Variants in INTS3 observed in about 807,000 individuals in gnomAD.
INTS3 encodes SOSS complex subunit A.
INTS3 carries 34 observed loss-of-function variants against 146.3 expected under a neutral mutation model. The observed-to-expected ratio is 0.23, with a 90% CI of 0.18 to 0.31. The LOEUF (loss-of-function observed/expected upper bound fraction) is 0.31. INTS3 is among the 10% of genes least tolerant of loss of function. The pLI is 1.00. For missense variants in INTS3, 757 were observed against 1,304.2 expected, an observed-to-expected ratio of 0.58 and a Z score of 6.46; for synonymous variants, 475 against 494.9, an observed-to-expected ratio of 0.96 and a Z score of 0.53.
At position 153,748,674 on chromosome 1, in the gene INTS3, C is replaced by G. The variant is rs1468475243; in HGVS notation, c.518-15C>G. 1.2e-6 allele frequency: 2 copies of G among 1,610,294 alleles called. No homozygotes were observed. Among genetic ancestry groups the G allele is most frequent in the Non-Finnish European group, 8.5e-7 (1 of 1,176,736 alleles). On this transcript the variant is annotated splice_polypyrimidine_tract_variant and intron_variant, in intron 5 of 29. Coordinates refer to ENST00000318967, the MANE Select transcript of INTS3 (RefSeq NM_023015.5). ...GCTAATCGGAGCTATTCTTTTTTTCCCCTTTTGAAATCAGGTGGAGATGTT... is the reference window on the plus strand; with the variant it reads ...GCTAATCGGAGCTATTCTTTTTTTCGCCTTTTGAAATCAGGTGGAGATGTT...
chr1:153,770,742 C>T lies in INTS3; in HGVS notation c.2552+9C>T, dbSNP rs1236333639. On this transcript the variant is annotated intron_variant, in intron 25 of 29. Transcript: ENST00000318967. ...CAACTCCGAAGAGAAAAGTGAGTTC[C>T]ACTTCTGGGGCTCTTTAGCCCTCAA... The T allele has an allele frequency of 6.2e-7, 1 of 1,610,808 alleles. No individual in the cohort carries two copies. The highest frequency in any genetic ancestry group is 8.5e-7 in the Non-Finnish European group (1 of 1,177,070).
intron 22 of INTS3, 112 bp downstream of exon 22, chr1:153,769,073 C>G (rs1349583957): frequency 1.3e-4 from 111 of 839,662 alleles, no homozygotes; most frequent in Non-Finnish European, 6.1e-5. Flanking sequence ...TCCCAGGCAC[C>G]CTCCCTCCTG....
Position 153,742,664 on chromosome 1 carries a change from G to C in INTS3, c.318+1296G>C, listed in dbSNP as rs572077557. Among the ~76,000 whole-genome samples, 108 of 152,274 alleles carry C rather than the reference G, an allele frequency of 7.1e-4. 1 individual carries two copies. Among genetic ancestry groups the C allele is most frequent in the African/African-American group, 2.5e-3 (102 of 41,566 alleles). ...GGTAAATCAGTAAACCTAAGTGAAGGGGGCAGAGTATGTGTGGTATTTCTA... is the reference window on the plus strand; with the variant it reads ...GGTAAATCAGTAAACCTAAGTGAAGCGGGCAGAGTATGTGTGGTATTTCTA... On this transcript the variant is annotated intron_variant, in intron 3 of 29. Transcript: ENST00000318967.
chr1:153,771,376 T>TA (rs1278465853), intron 25 of INTS3, among the ~76,000 whole-genome samples: 2 of 152,186 alleles, frequency 1.3e-5, no homozygotes. Context: ...TTGGAGGCTG[T>TA]ATGGGGCTGT....
intron 14 of INTS3, among the ~76,000 whole-genome samples, chr1:153,762,462 T>C (rs1365351631): frequency 2.0e-5 from 3 of 152,186 alleles, no homozygotes. Flanking sequence ...TCCCTGATCT[T>C]ACTCTAGTTA....
At chr1:153,764,766 A>C (rs761821739) in intron 19 of INTS3, 32 bp downstream of exon 19, 28 of 1,578,406 alleles carry the variant, frequency 1.8e-5, no homozygotes, top group Middle Eastern at 3.3e-4. Flanking sequence ...ATACTGTTCT[A>C]CCCTCCATCC....
At chr1:153,765,091 G>C in intron 20 of INTS3, 28 bp downstream of exon 20, 1 of 1,613,398 alleles carries the variant, frequency 6.2e-7, no homozygotes, top group Non-Finnish European at 8.5e-7. Context: ...GTTTCAAATG[G>C]TGTCAGGACA....
chr1:153,760,248 AAAAAAAAAAAG>A (rs1458899427), intron 11 of INTS3, 52 bp from the exon 12 acceptor site: 3 of 993,336 alleles, frequency 3.0e-6, no homozygotes, highest in African/African-American at 1.7e-5. Context: ...AAAAAAAAAA[AAAAAAAAAAAG>A]AGAGAGAGAG....
chr1:153,761,545 G>C, intron 13 of INTS3, 25 bp from the exon 14 acceptor site: 1 of 1,477,442 alleles, frequency 6.8e-7, no homozygotes. Context: ...CTCTGATATT[G>C]ACCTTCATCA....
chr1:153,773,551 T>C lies in INTS3; in HGVS notation c.*281T>C. The C allele has an allele frequency of 5.4e-6, 3 of 552,746 alleles. No individual in the cohort carries two copies. The South Asian group carries it at 7.7e-5, about 14-fold the overall frequency. The allele number at this position is 552,746 out of a possible 1,614,324, so 34.2% of individuals were successfully genotyped here. On this transcript the variant is annotated 3_prime_UTR_variant, in exon 30 of 30. Coordinates refer to ENST00000318967, the MANE Select transcript of INTS3 (RefSeq NM_023015.5). ...GAGGCTCTGTAAAATCAGACCATAG[T>C]GGAAGTCCTCAGCCCCCTGGCCCCT...
chr1:153,754,184 G>T (rs540315199), intron 8 of INTS3, among the ~76,000 whole-genome samples: 1 of 152,290 alleles, frequency 6.6e-6, no homozygotes, highest in South Asian at 2.1e-4. Flanking sequence ...TCTCACGCAT[G>T]AGTGTGAAAA....
rs1353207777 is a variant in INTS3, at chr1:153,763,262, A to G, written c.1666A>G (p.Ile556Val). ...GAAGAGGGAGTTTCGCTTCCACCCT[A>G]TCAAGGAGACAGTTGTGGAGGAGCC... ...GKKREFRFHP[I>V]KETVVEEPVD... Residue 556 changes from isoleucine (I) to valine (V), a missense_variant, in exon 16 of 30, where the codon ATC becomes GTC. Transcript: ENST00000318967. 6.2e-7 allele frequency: 1 copy of G among 1,614,062 alleles called. No homozygotes were observed. The highest frequency in any genetic ancestry group is 2.2e-5 in the East Asian group (1 of 44,894).
chr1:153,770,127 TGGGGG>T, intron 23 of INTS3, 66 bp from the exon 24 acceptor site: 1 of 299,142 alleles, frequency 3.3e-6, no homozygotes. Flanking sequence ...GATGGGGGGG[TGGGGG>T]GGGTGTGTGT....
At position 153,770,722 on chromosome 1, in the gene INTS3, C is replaced by T. The variant is rs772017667; in HGVS notation, c.2541C>T (p.Leu847=). ...CCCTGTCCTGCCTACTGCTTCAACT[C>T]CGAAGAGAAAAGTGAGTTCCACTTC... The part of the protein sequence containing the change: ...PEALSCLLLQ[L]RREKPSEEMV... The change falls in exon 25 of 30, where the codon CTC becomes CTT. Residue 847 remains leucine (L), a synonymous_variant. Transcript: ENST00000318967. 6 of 1,613,626 alleles carry T rather than the reference C, an allele frequency of 3.7e-6. No individual in the cohort carries two copies. The highest frequency in any genetic ancestry group is 5.1e-6 in the Non-Finnish European group (6 of 1,179,532).
intron 13 of INTS3, chr1:153,761,202 C>A: frequency 1.6e-6 from 1 of 644,966 alleles, no homozygotes. Flanking sequence ...ATCTCAACTC[C>A]ATGTTGAGTT....
At chr1:153,761,134 T>C in intron 13 of INTS3, 1 of 1,285,288 alleles carries the variant, frequency 7.8e-7, no homozygotes, top group Non-Finnish European at 1.0e-6. Context: ...TCATGTTCCC[T>C]GTTGACCCCC....
chr1:153,759,645 C>A (rs377436226), intron 11 of INTS3, 32 bp downstream of exon 11: 1 of 1,402,212 alleles, frequency 7.1e-7, no homozygotes, highest in South Asian at 1.2e-5. Flanking sequence ...GCTCCACTTC[C>A]CCATCCCCCT....
intron 1 of INTS3, among the ~76,000 whole-genome samples, chr1:153,732,760 T>G (rs1671125689): frequency 6.6e-6 from 1 of 151,660 alleles, no homozygotes; most frequent in South Asian, 2.1e-4. Flanking sequence ...CCTTGGGGAT[T>G]TTATGAGTTA....
At chr1:153,770,503 G>C (rs1331835214) in intron 24 of INTS3, among the ~76,000 whole-genome samples, 182 bp from the exon 25 acceptor site, 1 of 152,206 alleles carries the variant, frequency 6.6e-6, no homozygotes, top group African/African-American at 2.4e-5. Flanking sequence ...CCATGAGCCA[G>C]GCTCTGGGCT....
Sources: allele counts gnomAD v4.1 joint callset (sites outside exome capture counted in the v4.1 genomes callset), GRCh38; gene constraint gnomAD v4.1.1; transcripts MANE v1.5; gene names NCBI Gene and HGNC (gene_info 2026-07-23, HGNC 2026-07-21).